Variants in TVP23A observed in about 807,000 individuals in gnomAD.
The protein encoded by TVP23A is Golgi apparatus membrane protein TVP23 homolog A.
In TVP23A, 21 loss-of-function variants were observed where a neutral mutation model predicts 31.7. That is an observed-to-expected ratio of 0.66 (90% CI 0.47 to 0.95). TVP23A has a LOEUF of 0.95. Among genes scored for constraint, TVP23A ranks in the 40% least tolerant of loss-of-function variants. The pLI, the probability that TVP23A is intolerant of heterozygous loss-of-function variation, is 0.00. For missense variants in TVP23A, 279 were observed against 255.6 expected (o/e 1.09, Z -0.62); for synonymous variants, 104 against 96.0 (o/e 1.08, Z -0.49).
In TVP23A at chr16:10,782,696, A is replaced by G. The variant is rs370736858; in HGVS notation, c.90-7600T>C. ...TTTTAAAATTTTTTGTAGAGATGGG[A>G]TCTCACTATTTTGCCCAGGCTGGTC... is the stretch of plus-strand genomic sequence containing the variant. On this transcript the variant is annotated intron_variant, in intron 2 of 7. Coordinates refer to ENST00000299866, the MANE Select transcript of TVP23A (RefSeq NM_001079512.4). 7.9e-5 allele frequency among the ~76,000 whole-genome samples: 12 copies of G among 151,976 alleles called. 1 individual carries two copies. In the South Asian group the frequency reaches 2.5e-3, roughly 32 times the overall value.
chr16:10,761,340 T>C, exon 9 of TVP23A: 1 of 1,606,962 alleles, frequency 6.2e-7, no homozygotes. Context: ...GATGCTGGAA[T>C]CACTGGTCTT....
At chr16:10,787,148 C>T (rs1337131734) in intron 2 of TVP23A, among the ~76,000 whole-genome samples, 3 of 152,176 alleles carry the variant, frequency 2.0e-5, no homozygotes, top group Non-Finnish European at 4.4e-5. Context: ...TCCAGCCCCA[C>T]GCTCCTGCTC....
At chr16:10,802,640 C>A (rs796597679) in intron 2 of TVP23A, among the ~76,000 whole-genome samples, 5 of 152,034 alleles carry the variant, frequency 3.3e-5, no homozygotes, top group Admixed American at 3.3e-4. Flanking sequence ...GCTACCTTCC[C>A]GTAAGTCTGA....
intron 2 of TVP23A, among the ~76,000 whole-genome samples, chr16:10,793,607 T>C (rs1023011814): frequency 6.6e-6 from 1 of 152,030 alleles, no homozygotes; most frequent in African/African-American, 2.4e-5. Flanking sequence ...AACAGAAATA[T>C]TTATTTGGCT....
intron 2 of TVP23A, among the ~76,000 whole-genome samples, chr16:10,816,228 C>CAAAAAAAAAAAAAAAA (rs760801777): frequency 2.7e-5 from 2 of 73,844 alleles, no homozygotes; most frequent in African/African-American, 7.5e-5. Flanking sequence ...AACCCTATCT[C>CAAAAAAAAAAAAAAAA]AAAAAAAAAA....
intron 3 of TVP23A, 45 bp from the exon 4 acceptor site, chr16:10,774,173 A>G: frequency 6.9e-7 from 1 of 1,454,350 alleles, no homozygotes; most frequent in Non-Finnish European, 9.5e-7. Context: ...ACAGGCAAAG[A>G]GGCTTATTCA....
At chr16:10,799,936 G>A (rs2033610601) in intron 2 of TVP23A, among the ~76,000 whole-genome samples, 1 of 152,070 alleles carries the variant, frequency 6.6e-6, no homozygotes, top group African/African-American at 2.4e-5. Flanking sequence ...ATGAAAAGAG[G>A]GAGTGGCTCA....
chr16:10,804,468 C>G (rs2033850486), intron 2 of TVP23A, among the ~76,000 whole-genome samples: 1 of 152,328 alleles, frequency 6.6e-6, no homozygotes, highest in African/African-American at 2.4e-5. Context: ...AGCCAGCAGG[C>G]CGGGCACAGT....
chr16:10,759,144 GCT>G (rs1900769170), downstream of TVP23A, among the ~76,000 whole-genome samples: 1 of 152,210 alleles, frequency 6.6e-6, no homozygotes, highest in Non-Finnish European at 1.5e-5. The surrounding 1 kb of genome is among the most constrained non-coding windows in gnomAD (Gnocchi z 4.7). Context: ...CACTCACTGA[GCT>G]CTGACTCTGA....
At position 10,766,771 on chromosome 16, in the gene TVP23A, CAG is replaced by C. The variant is rs1211069007; in HGVS notation, c.*2329_*2330del. 1 of 396,614 alleles carries C rather than the reference CAG, an allele frequency of 2.5e-6. No individual in the cohort carries two copies. The highest frequency in any genetic ancestry group is 3.6e-5 in the East Asian group (1 of 28,044). The allele number at this position is 396,614 out of a possible 1,614,324, so 24.6% of individuals were successfully genotyped here. ...GAATAGGGGCTCAAAGGCCCCATTACAGAGTTTTTGTGTTTAAATACCCTCTA... is the reference window on the plus strand; with the variant it reads ...GAATAGGGGCTCAAAGGCCCCATTACAGTTTTTGTGTTTAAATACCCTCTA... On this transcript the variant is annotated 3_prime_UTR_variant, in exon 8 of 8. Coordinates refer to ENST00000299866, the MANE Select transcript of TVP23A (RefSeq NM_001079512.4). The surrounding 1 kb of genome is among the most constrained non-coding windows in gnomAD (Gnocchi z 4.8).
At chr16:10,764,264 G>T (rs1408053131), downstream of TVP23A, among the ~76,000 whole-genome samples, 1 of 152,266 alleles carries the variant, frequency 6.6e-6, no homozygotes, top group Non-Finnish European at 1.5e-5. Flanking sequence ...GCACCTCAGT[G>T]TACTTTGCTT....
Position 10,775,029 on chromosome 16 carries a change from C to A in TVP23A, c.157G>T (p.Asp53Tyr). ...CCCACAAAGCTCTTGCTGAACCAGT[C>A]GCAGCTCACGTAGGTGACGATGGCA... ...VSAIVTYVSC[D>Y]WFSKSFVGCF... The change falls in exon 3 of 8, where the codon GAC becomes TAC. Residue 53 changes from aspartate to tyrosine, a missense_variant. By Grantham distance (160) the Asp-to-Tyr change is radical. Coordinates refer to ENST00000299866, the MANE Select transcript of TVP23A (RefSeq NM_001079512.4). The A allele has an allele frequency of 1.2e-6, 2 of 1,612,214 alleles. No individual in the cohort carries two copies. Among genetic ancestry groups the A allele is most frequent in the Admixed American group, 1.7e-5 (1 of 59,756 alleles).
intron 2 of TVP23A, among the ~76,000 whole-genome samples, chr16:10,792,783 A>G (rs768094777): frequency 1.1e-4 from 16 of 152,250 alleles, no homozygotes; most frequent in Non-Finnish European, 1.8e-4. Flanking sequence ...AATTCAAAAG[A>G]CAGCACATCC....
At chr16:10,778,372 C>G (rs1172928643) in intron 2 of TVP23A, among the ~76,000 whole-genome samples, 1 of 152,084 alleles carries the variant, frequency 6.6e-6, no homozygotes, top group Non-Finnish European at 1.5e-5. Context: ...TAAAAACTTC[C>G]TGGAGTGTTC....
chr16:10,762,861 G>T (rs532243839), downstream of TVP23A, among the ~76,000 whole-genome samples: 2 of 152,122 alleles, frequency 1.3e-5, no homozygotes, highest in Non-Finnish European at 2.9e-5. Context: ...CGGGGAGGGC[G>T]GAGGCCACGT....
At chr16:10,794,356 G>A (rs1253979403) in intron 2 of TVP23A, among the ~76,000 whole-genome samples, 2 of 152,038 alleles carry the variant, frequency 1.3e-5, no homozygotes, top group African/African-American at 4.8e-5. Context: ...TTCTTATAAA[G>A]ACCCCAGTCA....
chr16:10,766,949 C>G lies in TVP23A; in HGVS notation c.*2153G>C. 1 of 398,766 alleles carries G rather than the reference C, an allele frequency of 2.5e-6. No homozygotes were observed. Among genetic ancestry groups the G allele is most frequent in the Non-Finnish European group, 4.4e-6 (1 of 226,138 alleles). The allele number at this position is 398,766 out of a possible 1,614,324, so 24.7% of individuals were successfully genotyped here. On this transcript the variant is annotated 3_prime_UTR_variant, in exon 8 of 8. Coordinates refer to ENST00000299866, the MANE Select transcript of TVP23A (RefSeq NM_001079512.4). This position sits in a 1 kb window ranked among gnomAD's most constrained non-coding sequence, Gnocchi z 4.8. ...CTCTGGACCCTATTTTCCTGACTCA[C>G]TGGGCCATATGGGCTCCCCATCTCC... is the stretch of plus-strand genomic sequence containing the variant.
rs374555706 is a variant in TVP23A, at chr16:10,786,297, G to C, written c.90-11201C>G. Among the ~76,000 whole-genome samples, 4 of 152,164 alleles carry C rather than the reference G, an allele frequency of 2.6e-5. No homozygotes were observed. In the East Asian group the frequency reaches 7.7e-4, roughly 29 times the overall value. On this transcript the variant is annotated intron_variant, in intron 2 of 7. Transcript: ENST00000299866. ...GTCTTTAAAAGTTGTCCTGTGGCCAGGTGCAGTGGCTTAGGCCTGTAATCT... is the reference window on the plus strand; with the variant it reads ...GTCTTTAAAAGTTGTCCTGTGGCCACGTGCAGTGGCTTAGGCCTGTAATCT...
chr16:10,766,809 G>A lies in TVP23A; in HGVS notation c.*2293C>T, dbSNP rs1451872996. The A allele has an allele frequency of 5.0e-6, 2 of 397,378 alleles. No homozygotes were observed. The highest frequency in any genetic ancestry group is 2.1e-5 in the African/African-American group (1 of 48,598). 24.6% of individuals were successfully genotyped at this position (397,378 alleles called of 1,614,324 possible). A position where few individuals can be genotyped will look rare whatever the true frequency, so the allele number is the denominator to read the frequency against. Reference sequence around the variant, plus strand: ...TTTAAATACCCTCTACTTGAGGTACGCCCTATATAAACGAAAAGGATGAAG... The same window carrying A: ...TTTAAATACCCTCTACTTGAGGTACACCCTATATAAACGAAAAGGATGAAG... On this transcript the variant is annotated 3_prime_UTR_variant, in exon 8 of 8. Coordinates refer to ENST00000299866, the MANE Select transcript of TVP23A (RefSeq NM_001079512.4). This position sits in a 1 kb window ranked among gnomAD's most constrained non-coding sequence, Gnocchi z 4.8.
Sources: gnomAD v4.1 joint callset for allele counts (sites outside exome capture counted in the v4.1 genomes callset) on GRCh38, gnomAD v4.1.1 for gene constraint, Gnocchi (gnomAD v3.1) non-coding constraint, MANE v1.5 for transcripts, NCBI Gene and HGNC (gene_info 2026-07-23, HGNC 2026-07-21) for gene names.